The following CYSTM1 variants were observed in gnomAD, a reference collection of about 807,000 sequenced individuals.
CYSTM1 encodes cysteine rich transmembrane module containing 1, also known as cysteine-rich transmembrane module-containing protein 1.
Under a neutral mutation model 13.1 loss-of-function variants are expected in CYSTM1, and 4 were observed. The ratio of observed to expected loss-of-function variants is 0.31; its 90% CI spans 0.15 to 0.70. CYSTM1 has a LOEUF of 0.70. Ranked by LOEUF, CYSTM1 falls within the 30% of genes least tolerant of loss-of-function variation. The probability of loss-of-function intolerance (pLI) is 0.72; values close to 1 mark genes in which losing one functional copy is unlikely to be tolerated. For missense variants in CYSTM1, 96 were observed against 121.6 expected (o/e 0.79, Z 0.99); for synonymous variants, 36 against 42.7 (o/e 0.84, Z 0.62).
At chr5:140,209,821 A>G (rs1243248697) in intron 2 of CYSTM1, among the ~76,000 whole-genome samples, 2 of 152,188 alleles carry the variant, frequency 1.3e-5, no homozygotes, top group East Asian at 3.9e-4. Flanking sequence ...CAGCCTCCCA[A>G]AGTACTGGGA....
intron 1 of CYSTM1, among the ~76,000 whole-genome samples, chr5:140,187,147 A>G (rs13186062): frequency 1.4e-5 from 2 of 148,012 alleles, no homozygotes; most frequent in Non-Finnish European, 3.0e-5. Flanking sequence ...AAACAAATAA[A>G]CAAACACCTC....
intron 2 of CYSTM1, among the ~76,000 whole-genome samples, chr5:140,226,546 A>AATATAAT (rs1263209531): frequency 8.9e-6 from 1 of 112,098 alleles, no homozygotes; most frequent in Admixed American, 1.2e-4. Flanking sequence ...ATATATTAAT[A>AATATAAT]ATATAATATA....
In CYSTM1 at chr5:140,219,306, G is replaced by A. The variant is rs1018293159; in HGVS notation, c.188-23999G>A. ...AGTGTTACGAAACAGCAGGAATTGC[G>A]GTGGATAATTTGGCATAGCCCAGGC... On this transcript the variant is annotated intron_variant, in intron 2 of 2. Coordinates refer to ENST00000261811, the MANE Select transcript of CYSTM1 (RefSeq NM_032412.4). This position sits in a 1 kb window ranked among gnomAD's most constrained non-coding sequence, Gnocchi z 4.1. 8.5e-5 allele frequency among the ~76,000 whole-genome samples: 13 copies of A among 152,264 alleles called. No individual in the cohort carries two copies. Among genetic ancestry groups the A allele is most frequent in the Admixed American group, 7.2e-4 (11 of 15,300 alleles).
At chr5:140,180,813 T>A (rs1763952886) in intron 1 of CYSTM1, among the ~76,000 whole-genome samples, 1 of 152,196 alleles carries the variant, frequency 6.6e-6, no homozygotes, top group Non-Finnish European at 1.5e-5. Context: ...TAAACTCTTT[T>A]CATTAAATGG....
At position 140,199,804 on chromosome 5, in the gene CYSTM1, T is replaced by C. The variant is rs191339913; in HGVS notation, c.187+5152T>C. On this transcript the variant is annotated intron_variant, in intron 2 of 2. Transcript: ENST00000261811. ...GCCCAGCCGTTTCCTGACTTTTTAA[T>C]GATCACCATTCTAACTGGCGTGAGA... Among the ~76,000 whole-genome samples the C allele has an allele frequency of 2.9e-4, 44 of 152,360 alleles. No homozygotes were observed. In the East Asian group the frequency reaches 5.8e-3, roughly 20 times the overall value.
At chr5:140,234,062 C>T (rs1897567) in intron 2 of CYSTM1, among the ~76,000 whole-genome samples, 151,013 of 152,348 alleles carry the variant, frequency 0.99, 74,848 homozygotes, top group East Asian at 1. Context: ...GATGCTTTTC[C>T]ATGTTTTCTT....
At chr5:140,240,667 C>G (rs979106373) in intron 2 of CYSTM1, among the ~76,000 whole-genome samples, 3 of 152,072 alleles carry the variant, frequency 2.0e-5, no homozygotes, top group African/African-American at 7.2e-5. Flanking sequence ...GGCTGTGCAG[C>G]TCAGTGCACC....
chr5:140,206,235 C>T (rs1470445351), intron 2 of CYSTM1, among the ~76,000 whole-genome samples: 1 of 150,982 alleles, frequency 6.6e-6, no homozygotes, highest in East Asian at 2.0e-4. Context: ...ACCTCCCCCT[C>T]CCCCACCCCA....
At chr5:140,194,687 G>A (rs1226095567) in intron 2 of CYSTM1, 35 bp downstream of exon 2, 41 of 1,568,782 alleles carry the variant, frequency 2.6e-5, no homozygotes, top group Non-Finnish European at 2.8e-5. Flanking sequence ...GTGCAGTCCC[G>A]TGTCACTAAA....
At chr5:140,235,149 G>A (rs1340912943) in intron 2 of CYSTM1, among the ~76,000 whole-genome samples, 1 of 151,436 alleles carries the variant, frequency 6.6e-6, no homozygotes, top group African/African-American at 2.4e-5. Context: ...ATACTTTTTA[G>A]TAGAGATGGG....
Position 140,187,904 on chromosome 5 carries a change from G to GA in CYSTM1, c.-20-6531dup, listed in dbSNP as rs35005760. Among the ~76,000 whole-genome samples, 1,052 of 145,314 alleles carry GA rather than the reference G, an allele frequency of 7.2e-3. 6 individuals carry two copies. Among genetic ancestry groups the GA allele is most frequent in the African/African-American group, 0.023 (910 of 39,850 alleles). Reference sequence around the variant, plus strand: ...ACCTTAGAGAACCAAAGTGTCTTGTGAAAAAAAAAAATTGCAACTACAAAA... The same window carrying GA: ...ACCTTAGAGAACCAAAGTGTCTTGTGAAAAAAAAAAAATTGCAACTACAAAA... On this transcript the variant is annotated intron_variant, in intron 1 of 2. Transcript: ENST00000261811.
chr5:140,211,904 G>A (rs1421944122), intron 2 of CYSTM1, among the ~76,000 whole-genome samples: 1 of 152,090 alleles, frequency 6.6e-6, no homozygotes, highest in African/African-American at 2.4e-5. Flanking sequence ...CCAAGATGTC[G>A]CCACTGCACT....
chr5:140,180,729 G>A (rs538044861), intron 1 of CYSTM1, among the ~76,000 whole-genome samples: 2 of 152,132 alleles, frequency 1.3e-5, no homozygotes, highest in Non-Finnish European at 2.9e-5. Flanking sequence ...GAGACAAATG[G>A]TTTGAATCCA....
chr5:140,184,460 G>A (rs1365364860), intron 1 of CYSTM1, among the ~76,000 whole-genome samples: 1 of 151,466 alleles, frequency 6.6e-6, no homozygotes, highest in Non-Finnish European at 1.5e-5. Flanking sequence ...AGAATTGCTC[G>A]TTCAAAGGAT....
At chr5:140,188,472 T>C (rs1049468778) in intron 1 of CYSTM1, among the ~76,000 whole-genome samples, 4 of 152,182 alleles carry the variant, frequency 2.6e-5, no homozygotes, top group African/African-American at 9.6e-5. Context: ...TTTCTGACTG[T>C]ATAGGTTCTC....
rs118130721 is a variant in CYSTM1 at position 140,240,027 on chromosome 5, T to C, written c.188-3278T>C. On this transcript the variant is annotated intron_variant, in intron 2 of 2. Coordinates refer to ENST00000261811, the MANE Select transcript of CYSTM1 (RefSeq NM_032412.4). ...GTCAGGAGCTGGAACCCAGCTCCGG[T>C]CCCTAGACTGGCCACAGGGGGGCAC... Among the ~76,000 whole-genome samples, 39 of 152,068 alleles carry C rather than the reference T, an allele frequency of 2.6e-4. No individual in the cohort carries two copies. In the East Asian group the frequency reaches 7.4e-3, roughly 29 times the overall value.
intron 1 of CYSTM1, among the ~76,000 whole-genome samples, chr5:140,190,292 G>T (rs1459624238): frequency 6.6e-6 from 1 of 151,548 alleles, no homozygotes; most frequent in Non-Finnish European, 1.5e-5. Flanking sequence ...GGATATTTAG[G>T]TTGTTTTTTT....
chr5:140,191,630 A>G (rs1447764873), intron 1 of CYSTM1, among the ~76,000 whole-genome samples: 1 of 152,218 alleles, frequency 6.6e-6, no homozygotes, highest in African/African-American at 2.4e-5. Context: ...TAGATGAACA[A>G]TGTCTTCAAA....
chr5:140,230,784 T>C lies in CYSTM1; in HGVS notation c.188-12521T>C, dbSNP rs1764609780. On this transcript the variant is annotated intron_variant, in intron 2 of 2. Transcript: ENST00000261811. This position sits in a 1 kb window ranked among gnomAD's most constrained non-coding sequence, Gnocchi z 4.1. Reference sequence around the variant, plus strand: ...AATCTTTGGGGCACAGTTTCAGTCCTTTCCCTATTAATCTGAGATGAGATT... The same window carrying C: ...AATCTTTGGGGCACAGTTTCAGTCCCTTCCCTATTAATCTGAGATGAGATT... Among the ~76,000 whole-genome samples the C allele has an allele frequency of 6.6e-6, 1 of 152,242 alleles. No homozygotes were observed. The highest frequency in any genetic ancestry group is 6.5e-5 in the Admixed American group (1 of 15,286).
Sources: allele counts gnomAD v4.1 joint callset (sites outside exome capture counted in the v4.1 genomes callset), GRCh38; gene constraint gnomAD v4.1.1; non-coding constraint Gnocchi (gnomAD v3.1); transcripts MANE v1.5; gene names NCBI Gene and HGNC (gene_info 2026-07-23, HGNC 2026-07-21).